The following CIT variants were observed in gnomAD, a reference collection of about 807,000 sequenced individuals.
CIT encodes citron Rho-interacting kinase.
Under a neutral mutation model 272.7 loss-of-function variants are expected in CIT, and 79 were observed. That is an observed-to-expected ratio of 0.29 (90% CI 0.24 to 0.35). CIT has a LOEUF of 0.35. CIT is among the 10% of genes least tolerant of loss of function. The probability of loss-of-function intolerance (pLI) is 1.00; values close to 1 mark genes in which losing one functional copy is unlikely to be tolerated. For synonymous variants in CIT, 948 were observed against 995.6 expected, an observed-to-expected ratio of 0.95 and a Z score of 0.90; for missense variants, 1,909 against 2,618.3, an observed-to-expected ratio of 0.73 and a Z score of 5.91.
At chr12:119,730,714 C>T (rs539478736) in intron 26 of CIT, 84 bp from the exon 27 acceptor site, 56 of 1,461,738 alleles carry the variant, frequency 3.8e-5, no homozygotes, top group Admixed American at 7.9e-5. Flanking sequence ...CTAATCCTGA[C>T]GAGCAACTAA....
At chr12:119,820,171 C>T (rs529542924) in intron 9 of CIT, among the ~76,000 whole-genome samples, 1 of 152,286 alleles carries the variant, frequency 6.6e-6, no homozygotes, top group South Asian at 2.1e-4. Flanking sequence ...CAAAAAAAGT[C>T]TGAAGTGTAG....
intron 40 of CIT, among the ~76,000 whole-genome samples, chr12:119,706,578 G>A (rs1439878235): frequency 6.6e-6 from 1 of 152,112 alleles, no homozygotes; most frequent in Non-Finnish European, 1.5e-5. Context: ...TTAGGATAAT[G>A]GCCTACAGCT....
chr12:119,731,945 C>T (rs1294746428), intron 26 of CIT, among the ~76,000 whole-genome samples: 1 of 151,744 alleles, frequency 6.6e-6, no homozygotes, highest in African/African-American at 2.4e-5. Context: ...AAGCGATTCT[C>T]CTGCCTCAGC....
chr12:119,816,841 T>C (rs959904818), intron 9 of CIT, among the ~76,000 whole-genome samples: 1 of 152,200 alleles, frequency 6.6e-6, no homozygotes, highest in African/African-American at 2.4e-5. Flanking sequence ...GACTGGGCAA[T>C]GTCTAGAGTC....
At chr12:119,745,399 C>A (rs1344776108) in intron 23 of CIT, among the ~76,000 whole-genome samples, 169 of 7,488 alleles carry the variant, frequency 0.023, no homozygotes, top group Non-Finnish European at 0.033. Context: ...AAAAAAAAAA[C>A]ACCTGTCCAC....
chr12:119,751,779 T>A (rs1960296562), intron 23 of CIT, among the ~76,000 whole-genome samples: 1 of 152,192 alleles, frequency 6.6e-6, no homozygotes, highest in African/African-American at 2.4e-5. Context: ...TAAAATATAA[T>A]GATGATTTTT....
At chr12:119,701,564 C>T (rs1420301067) in intron 43 of CIT, 60 bp downstream of exon 43, 1 of 1,588,080 alleles carries the variant, frequency 6.3e-7, no homozygotes, top group East Asian at 2.3e-5. Context: ...CCTCCAACCC[C>T]TCATGGGTCC....
intron 32 of CIT, among the ~76,000 whole-genome samples, chr12:119,717,414 C>CTTTTTTTTTTTTTTTTTTTTTTT (rs765763044): frequency 2.7e-5 from 3 of 109,462 alleles, no homozygotes; most frequent in African/African-American, 7.8e-5. Context: ...TTTTTCTTTT[C>CTTTTTTTTTTTTTTTTTTTTTTT]TTTTCTTTTT....
intron 46 of CIT, among the ~76,000 whole-genome samples, chr12:119,695,521 C>A (rs1956178589): frequency 6.6e-6 from 1 of 152,082 alleles, no homozygotes; most frequent in Non-Finnish European, 1.5e-5. Context: ...TAGGACCAGA[C>A]ACAGTGCTTC....
At chr12:119,829,336 T>TAAAA (rs1194388214) in intron 7 of CIT, among the ~76,000 whole-genome samples, 3 of 91,366 alleles carry the variant, frequency 3.3e-5, no homozygotes. Flanking sequence ...GACTCTGTCT[T>TAAAA]GAAAGAAAAG....
At chr12:119,785,087 T>G in intron 10 of CIT, 22 bp from the exon 11 acceptor site, 1 of 1,612,086 alleles carries the variant, frequency 6.2e-7, no homozygotes, top group Non-Finnish European at 8.5e-7. Flanking sequence ...AAAACCAACG[T>G]CAAGGGGGCC....
intron 9 of CIT, among the ~76,000 whole-genome samples, chr12:119,811,354 C>T (rs919651544): frequency 6.6e-6 from 1 of 152,106 alleles, no homozygotes; most frequent in African/African-American, 2.4e-5. Context: ...TTCCAGTTTG[C>T]AATAGACTTA....
rs755786907 is a variant in CIT at position 119,834,090 on chromosome 12, G to A, written c.655C>T (p.His219Tyr). Residue 219 changes from histidine (H) to tyrosine (Y), a missense_variant, in exon 6 of 48, where the codon CAT becomes TAT. By Grantham distance (83) the His-to-Tyr change is moderately conservative. Transcript: ENST00000392521. ...VHSVHLMGYV[H>Y]RDIKPENILV... ...TGCTACCAGAGTCTCACTTACCGATGCACGTATCCCATCAGATGAACGCTG... is the reference window on the plus strand; with the variant it reads ...TGCTACCAGAGTCTCACTTACCGATACACGTATCCCATCAGATGAACGCTG... 1 of 1,607,992 alleles carries A rather than the reference G, an allele frequency of 6.2e-7. No individual in the cohort carries two copies. Among genetic ancestry groups the A allele is most frequent in the South Asian group, 1.1e-5 (1 of 89,700 alleles).
intron 23 of CIT, among the ~76,000 whole-genome samples, chr12:119,747,714 G>A (rs186412024): frequency 7.2e-5 from 11 of 152,068 alleles, no homozygotes; most frequent in South Asian, 4.2e-4. Flanking sequence ...GTGAGACTCC[G>A]TCTCAAAAAA....
intron 3 of CIT, 140 bp downstream of exon 3, chr12:119,868,920 C>T (rs1271776565): frequency 1.0e-6 from 1 of 983,980 alleles, no homozygotes; most frequent in East Asian, 2.7e-5. Flanking sequence ...GAGGTGCAGC[C>T]TGAATTTGAA....
In CIT at chr12:119,712,071, G is replaced by A; in HGVS notation, c.4854+107C>T. 1 of 1,096,616 alleles carries A rather than the reference G, an allele frequency of 9.1e-7. No individual in the cohort carries two copies. The highest frequency in any genetic ancestry group is 2.3e-5 in the Admixed American group (1 of 43,808). The allele number at this position is 1,096,616 out of a possible 1,614,324, so 67.9% of individuals were successfully genotyped here. The stretch of plus-strand genomic sequence containing the variant: ...CTAGAGCCATCAGCCCTCAGAGAGA[G>A]AGCCTGAGGGGAATCAAAATGGCCA... On this transcript the variant is annotated intron_variant, in intron 37 of 47. Transcript: ENST00000392521. This position sits in a 1 kb window ranked among gnomAD's most constrained non-coding sequence, Gnocchi z 5.2.
At position 119,877,315 on chromosome 12, in the gene CIT, A is replaced by C. The variant is rs573100586; in HGVS notation, c.-80T>G. The stretch of plus-strand genomic sequence containing the variant: ...CCTCCCGCCGCCGCGTTTGAACCCG[A>C]GGAACGGCGCGGGCGGGTCTCAGCC... On this transcript the variant is annotated 5_prime_UTR_variant, in exon 1 of 48. Coordinates refer to ENST00000392521, the MANE Select transcript of CIT (RefSeq NM_001206999.2). The C allele has an allele frequency of 1.3e-5, 2 of 152,408 alleles. No homozygotes were observed. Among genetic ancestry groups the C allele is most frequent in the South Asian group, 4.1e-4 (2 of 4,832 alleles). 9.4% of individuals were successfully genotyped at this position (152,408 alleles called of 1,614,324 possible).
At chr12:119,793,931 A>G (rs1035736933) in intron 10 of CIT, among the ~76,000 whole-genome samples, 1 of 152,212 alleles carries the variant, frequency 6.6e-6, no homozygotes, top group Non-Finnish European at 1.5e-5. Context: ...TTTGTCTCAT[A>G]GTCAGTGCTA....
In CIT at chr12:119,714,398, A is replaced by G. The variant is rs937841293; in HGVS notation, c.4169-64T>C. 5.7e-6 allele frequency: 9 copies of G among 1,569,716 alleles called. No individual in the cohort carries two copies. In the Admixed American group the frequency reaches 8.9e-5, roughly 16 times the overall value. On this transcript the variant is annotated intron_variant, in intron 32 of 47. Coordinates refer to ENST00000392521, the MANE Select transcript of CIT (RefSeq NM_001206999.2). ...AAATGATCCCATCAGGAAAGTGAAA[A>G]GACAACCCACAGAAAGGGAAAAAAT...
Sources: gnomAD v4.1 joint callset for allele counts (sites outside exome capture counted in the v4.1 genomes callset) on GRCh38, gnomAD v4.1.1 for gene constraint, Gnocchi (gnomAD v3.1) non-coding constraint, MANE v1.5 for transcripts, NCBI Gene and HGNC (gene_info 2026-07-23, HGNC 2026-07-21) for gene names.